The following CDH10 variants were observed in gnomAD, a reference collection of about 807,000 sequenced individuals.
CDH10 encodes cadherin 10.
CDH10 carries 30 observed loss-of-function variants against 73.1 expected under a neutral mutation model. The observed-to-expected ratio is 0.41, with a 90% CI of 0.31 to 0.56. The LOEUF (loss-of-function observed/expected upper bound fraction) is 0.56, where lower values mean the gene tolerates loss of function less well. Ranked by LOEUF, CDH10 falls within the 20% of genes least tolerant of loss-of-function variation. CDH10 has a pLI of 0.27. For synonymous variants in CDH10, 345 were observed against 348.2 expected, an observed-to-expected ratio of 0.99 and a Z score of 0.10; for missense variants, 815 against 973.7, an observed-to-expected ratio of 0.84 and a Z score of 2.17.
chr5:24,609,959 T>A (rs1746889980), intron 1 of CDH10: 1 of 152,204 alleles, frequency 6.6e-6, no homozygotes, highest in Non-Finnish European at 1.5e-5. Flanking sequence ...CTGGTCACCA[T>A]TACAACGTGC....
chr5:24,594,185 T>C (rs1401225104), intron 1 of CDH10, among the ~76,000 whole-genome samples: 1 of 151,948 alleles, frequency 6.6e-6, no homozygotes, highest in Non-Finnish European at 1.5e-5. Flanking sequence ...CCTGTTAGGT[T>C]AGCCTGGGGA....
At chr5:24,581,824 T>G (rs1745813623) in intron 2 of CDH10, among the ~76,000 whole-genome samples, 1 of 152,220 alleles carries the variant, frequency 6.6e-6, no homozygotes. Context: ...TTTATTTCAT[T>G]ATTTGCTTGG....
At chr5:24,634,950 C>T (rs796492311) in intron 1 of CDH10, among the ~76,000 whole-genome samples, 6 of 149,952 alleles carry the variant, frequency 4.0e-5, no homozygotes, top group African/African-American at 1.2e-4. Flanking sequence ...TTATGTAATC[C>T]GTAGAAACCA....
intron 2 of CDH10, among the ~76,000 whole-genome samples, chr5:24,587,012 T>C (rs1455431338): frequency 6.6e-6 from 1 of 151,380 alleles, no homozygotes; most frequent in African/African-American, 2.4e-5. Flanking sequence ...GCCCGGCTAA[T>C]TTTTTGTAAT....
intron 2 of CDH10, among the ~76,000 whole-genome samples, chr5:24,577,561 C>T (rs1281613638): frequency 1.3e-5 from 2 of 152,060 alleles, no homozygotes; most frequent in South Asian, 2.1e-4. Flanking sequence ...GTTTCTCTTT[C>T]ACTACATATA....
At chr5:24,488,559 A>G (rs1051085460) in intron 11 of CDH10, among the ~76,000 whole-genome samples, 10 of 152,160 alleles carry the variant, frequency 6.6e-5, no homozygotes, top group African/African-American at 1.9e-4. Flanking sequence ...GACAATTTAA[A>G]AGGACAACAC....
intron 2 of CDH10, among the ~76,000 whole-genome samples, chr5:24,551,344 A>T (rs150911580): frequency 1.3e-5 from 2 of 152,250 alleles, no homozygotes; most frequent in East Asian, 3.9e-4. Flanking sequence ...TTCGACACAG[A>T]TACTTTATAT....
intron 1 of CDH10, among the ~76,000 whole-genome samples, chr5:24,599,294 C>T (rs778618817): frequency 3.3e-5 from 5 of 152,050 alleles, no homozygotes; most frequent in Admixed American, 1.3e-4. Context: ...TGATCCAGGA[C>T]TTGAACTGCT....
chr5:24,544,948 G>A (rs1321224273), intron 2 of CDH10, among the ~76,000 whole-genome samples: 2 of 152,042 alleles, frequency 1.3e-5, no homozygotes, highest in African/African-American at 4.8e-5. Context: ...TCCAAGGCCA[G>A]AAATTTAAAA....
At chr5:24,604,600 C>A (rs150207908) in intron 1 of CDH10, among the ~76,000 whole-genome samples, 1 of 151,988 alleles carries the variant, frequency 6.6e-6, no homozygotes, top group Non-Finnish European at 1.5e-5. Flanking sequence ...TGGCTGGGCA[C>A]GATGGCTCAC....
At chr5:24,510,856 C>T (rs73743610) in intron 6 of CDH10, among the ~76,000 whole-genome samples, 8,097 of 152,212 alleles carry the variant, frequency 0.053, 713 homozygotes, top group African/African-American at 0.18. Flanking sequence ...TTAATTTATA[C>T]AGCAGAAGGG....
intron 5 of CDH10, among the ~76,000 whole-genome samples, chr5:24,524,707 G>C (rs534846997): frequency 2.0e-5 from 3 of 152,076 alleles, no homozygotes; most frequent in African/African-American, 7.2e-5. Context: ...GAAGGAGAGA[G>C]GTAATTGCCA....
At chr5:24,590,383 CTATA>C (rs1561183734) in intron 2 of CDH10, among the ~76,000 whole-genome samples, 1 of 150,790 alleles carries the variant, frequency 6.6e-6, no homozygotes, top group Non-Finnish European at 1.5e-5. Context: ...TATTTAGTAT[CTATA>C]TATAGTATAT....
chr5:24,523,522 C>A lies in CDH10; in HGVS notation c.814+11590G>T, dbSNP rs368921638. ...CAAAAGAAAAAAACATTCCTTTGTT[C>A]CATTAATTTTACTTTCATATGGAAT... On this transcript the variant is annotated intron_variant, in intron 5 of 11. Transcript: ENST00000264463. Among the ~76,000 whole-genome samples, 4 of 152,018 alleles carry A rather than the reference C, an allele frequency of 2.6e-5. No homozygotes were observed. In the South Asian group the frequency reaches 8.3e-4, roughly 31 times the overall value.
At chr5:24,604,369 A>C (rs773948090) in intron 1 of CDH10, among the ~76,000 whole-genome samples, 2 of 152,144 alleles carry the variant, frequency 1.3e-5, no homozygotes, top group Admixed American at 6.5e-5. Context: ...ACAATAAAAA[A>C]AATTTACCAA....
intron 2 of CDH10, chr5:24,554,111 C>CG (rs70965611): frequency 2.2e-4 from 11 of 50,548 alleles, no homozygotes; most frequent in African/African-American, 7.8e-4. Flanking sequence ...GGGAGGTGGG[C>CG]GGGGGGGGGA....
At chr5:24,511,535 A>AAGAGAGAGAC (rs763625213) in intron 5 of CDH10, 21 bp from the exon 6 acceptor site, 1 of 845,216 alleles carries the variant, frequency 1.2e-6, no homozygotes, top group African/African-American at 2.1e-5. Flanking sequence ...TAAAGAAAAG[A>AAGAGAGAGAC]AGAGAGAGAC....
At chr5:24,563,570 G>A (rs548231484) in intron 2 of CDH10, among the ~76,000 whole-genome samples, 3 of 118,422 alleles carry the variant, frequency 2.5e-5, no homozygotes, top group East Asian at 2.5e-4. Flanking sequence ...CCTGTAACAC[G>A]GTGAAACCCC....
At chr5:24,643,179 G>C (rs553224758) in intron 1 of CDH10, among the ~76,000 whole-genome samples, 36 of 152,080 alleles carry the variant, frequency 2.4e-4, no homozygotes, top group African/African-American at 7.5e-4. Flanking sequence ...TAGTACACTC[G>C]GGGGAGCGGG....
Sources: allele counts gnomAD v4.1 joint callset (sites outside exome capture counted in the v4.1 genomes callset), GRCh38; gene constraint gnomAD v4.1.1; transcripts MANE v1.5; gene names NCBI Gene and HGNC (gene_info 2026-07-23, HGNC 2026-07-21).